PLD3: variants seen among roughly 807,000 people sequenced by gnomAD.
PLD3 encodes the protein 5'-3' exonuclease PLD3.
In PLD3, 31 loss-of-function variants were observed where a neutral mutation model predicts 58.4. That is an observed-to-expected ratio of 0.53 (90% CI 0.40 to 0.72). The LOEUF (loss-of-function observed/expected upper bound fraction) is 0.72, where lower values mean the gene tolerates loss of function less well. Among genes scored for constraint, PLD3 ranks in the 30% least tolerant of loss-of-function variants. PLD3 has a pLI of 0.00. For synonymous variants in PLD3, 264 were observed against 273.4 expected (o/e 0.97, Z 0.34); for missense variants, 595 against 659.8 (o/e 0.90, Z 1.08).
chr19:40,360,606 A>G (rs1165065036), intron 1 of PLD3: 4 of 150,650 alleles, frequency 2.7e-5, no homozygotes, highest in African/African-American at 4.9e-5. Context: ...AAAAAAAGAC[A>G]ACAAATTCAT....
intron 1 of PLD3, among the ~76,000 whole-genome samples, chr19:40,350,419 G>A (rs1480864953): frequency 6.6e-6 from 1 of 152,014 alleles, no homozygotes; most frequent in Non-Finnish European, 1.5e-5. Flanking sequence ...AACACTGCTA[G>A]ACACTGGGGA....
chr19:40,370,374 C>A, intron 8 of PLD3, 137 bp downstream of exon 8: 3 of 960,392 alleles, frequency 3.1e-6, no homozygotes, highest in Non-Finnish European at 4.7e-6. Flanking sequence ...TGCCTCCTAC[C>A]AGGCCTCCCT....
chr19:40,377,730 G>A (rs1223326978), intron 11 of PLD3, 56 bp from the exon 12 acceptor site: 1 of 1,269,398 alleles, frequency 7.9e-7, no homozygotes, highest in Admixed American at 1.7e-5. Context: ...TGATCCCGGG[G>A]CTCCTCCGAC....
At position 40,364,920 on chromosome 19, in the gene PLD3, T is replaced by G. The variant is rs182711131; in HGVS notation, c.-278-798T>G. 2.2e-4 allele frequency among the ~76,000 whole-genome samples: 33 copies of G among 151,888 alleles called. 1 individual carries two copies. The East Asian group carries it at 5.0e-3, about 23-fold the overall frequency. On this transcript the variant is annotated intron_variant, in intron 1 of 12. Transcript: ENST00000409735. ...TTGAGGCCGCAGTGAGCTATGATCATGCTGCTGCACTCCAGCCTAGGGAAC... is the reference window on the plus strand; with the variant it reads ...TTGAGGCCGCAGTGAGCTATGATCAGGCTGCTGCACTCCAGCCTAGGGAAC...
chr19:40,351,406 A>G (rs2078511793), intron 1 of PLD3, among the ~76,000 whole-genome samples: 1 of 152,106 alleles, frequency 6.6e-6, no homozygotes, highest in African/African-American at 2.4e-5. Context: ...TTAGGCAGGC[A>G]TAGTGGCAGA....
chr19:40,377,086 A>G (rs1454505959), intron 11 of PLD3, among the ~76,000 whole-genome samples: 15 of 85,258 alleles, frequency 1.8e-4, no homozygotes, highest in South Asian at 4.8e-4. Context: ...CAGGGCTGGG[A>G]TGGGGAGGCA....
intron 1 of PLD3, among the ~76,000 whole-genome samples, chr19:40,362,130 C>T (rs555680763): frequency 6.6e-6 from 1 of 152,352 alleles, no homozygotes; most frequent in South Asian, 2.1e-4. Flanking sequence ...AGACACCGCG[C>T]CTGGCCTCTG....
chr19:40,368,169 C>G (rs2078976035), intron 6 of PLD3, among the ~76,000 whole-genome samples: 1 of 152,134 alleles, frequency 6.6e-6, no homozygotes, highest in Non-Finnish European at 1.5e-5. Context: ...CCCAGTCACA[C>G]AAAGAAAGGG....
rs554802090 is a variant in PLD3, at chr19:40,363,014, C to A, written c.-278-2704C>A. 7.9e-5 allele frequency among the ~76,000 whole-genome samples: 12 copies of A among 152,258 alleles called. No homozygotes were observed. In the South Asian group the frequency reaches 2.5e-3, roughly 32 times the overall value. ...TCCTGGGCTCAAGCAGTCCTCTCAC[C>A]TCAGCCTCCCAAAGTGCTGAGATTA... On this transcript the variant is annotated intron_variant, in intron 1 of 12. Coordinates refer to ENST00000409735, the MANE Select transcript of PLD3 (RefSeq NM_012268.4).
At chr19:40,351,817 G>A (rs1371631960) in intron 1 of PLD3, among the ~76,000 whole-genome samples, 6 of 152,092 alleles carry the variant, frequency 3.9e-5, no homozygotes, top group East Asian at 3.8e-4. Flanking sequence ...GGAGGGATGC[G>A]GTCCAGTGTG....
intron 8 of PLD3, 141 bp downstream of exon 8, chr19:40,370,378 C>A: frequency 2.2e-6 from 2 of 902,206 alleles, no homozygotes; most frequent in Non-Finnish European, 3.4e-6. Flanking sequence ...TCCTACCAGG[C>A]CTCCCTAATC....
At chr19:40,371,080 T>C (rs922592036) in intron 8 of PLD3, among the ~76,000 whole-genome samples, 1 of 152,022 alleles carries the variant, frequency 6.6e-6, no homozygotes, top group Non-Finnish European at 1.5e-5. Flanking sequence ...ACTAATCTGA[T>C]CCCTGAAGGA....
At chr19:40,360,995 A>G (rs1394510171) in intron 1 of PLD3, among the ~76,000 whole-genome samples, 2 of 152,196 alleles carry the variant, frequency 1.3e-5, no homozygotes, top group African/African-American at 2.4e-5. Context: ...ACAAAATCCA[A>G]CTGAAGCCCA....
chr19:40,376,947 G>T, intron 11 of PLD3, among the ~76,000 whole-genome samples, 173 bp downstream of exon 11: 1 of 150,888 alleles, frequency 6.6e-6, no homozygotes, highest in Non-Finnish European at 1.5e-5. Context: ...GGCCAGGACC[G>T]GGATGAGGGG....
intron 1 of PLD3, among the ~76,000 whole-genome samples, chr19:40,363,874 G>A (rs2078848318): frequency 6.6e-6 from 1 of 152,160 alleles, no homozygotes; most frequent in African/African-American, 2.4e-5. Flanking sequence ...TTGGATCTTG[G>A]AGTAAGGGGA....
intron 1 of PLD3, among the ~76,000 whole-genome samples, chr19:40,363,542 T>C (rs2078838926): frequency 1.3e-5 from 2 of 152,216 alleles, no homozygotes; most frequent in African/African-American, 2.4e-5. Context: ...GCAATTCTCC[T>C]GCCTCAGTCT....
intron 1 of PLD3, among the ~76,000 whole-genome samples, chr19:40,349,650 A>G (rs559536713): frequency 2.0e-5 from 3 of 152,226 alleles, no homozygotes; most frequent in South Asian, 4.1e-4. Context: ...GTTTTTGGCT[A>G]ATATTGTTAT....
rs537225988 is a variant in PLD3, at chr19:40,369,725, A to G, written c.430-183A>G. ...GGGCAACTAATTATTAAAGCAGATAAAGATGTTTAAAACAGATAAGGAAGT... is the reference window on the plus strand; with the variant it reads ...GGGCAACTAATTATTAAAGCAGATAGAGATGTTTAAAACAGATAAGGAAGT... On this transcript the variant is annotated intron_variant, in intron 6 of 12. Coordinates refer to ENST00000409735, the MANE Select transcript of PLD3 (RefSeq NM_012268.4). 8.1e-5 allele frequency: 46 copies of G among 570,820 alleles called. No individual in the cohort carries two copies. The South Asian group carries it at 1.0e-3, about 13-fold the overall frequency. The allele number at this position is 570,820 out of a possible 1,614,324, so 35.4% of individuals were successfully genotyped here.
At chr19:40,377,726 C>G in intron 11 of PLD3, 60 bp from the exon 12 acceptor site, 1 of 1,232,646 alleles carries the variant, frequency 8.1e-7, no homozygotes, top group South Asian at 1.2e-5. Flanking sequence ...TCCCTGATCC[C>G]GGGGCTCCTC....
Sources: gnomAD v4.1 joint callset for allele counts (sites outside exome capture counted in the v4.1 genomes callset) on GRCh38, gnomAD v4.1.1 for gene constraint, MANE v1.5 for transcripts, NCBI Gene and HGNC (gene_info 2026-07-23, HGNC 2026-07-21) for gene names.